AKR1C8: variants seen among roughly 807,000 people sequenced by gnomAD.
The protein encoded by AKR1C8 is aldo-keto reductase family 1 member C8, also known as aldo-keto reductase family 1 member C-like protein 1.
chr10:5,175,649 C>G, the AKR1C8 span, among the ~76,000 whole-genome samples: 1 of 152,164 alleles, frequency 6.6e-6, no homozygotes, highest in Non-Finnish European at 1.5e-5. Context: ...TGTTTCCTGA[C>G]TTTTTAATGA....
At chr10:5,118,013 G>T in the AKR1C8 span, among the ~76,000 whole-genome samples, 1 of 151,970 alleles carries the variant, frequency 6.6e-6, no homozygotes, top group Non-Finnish European at 1.5e-5. Context: ...CTTCTTACAC[G>T]CAAAATGTAG....
At chr10:5,157,982 A>C in the AKR1C8 span, among the ~76,000 whole-genome samples, 1 of 152,338 alleles carries the variant, frequency 6.6e-6, no homozygotes, top group African/African-American at 2.4e-5. Flanking sequence ...TGGAAACAAT[A>C]AGGCTGTCCA....
the AKR1C8 span, among the ~76,000 whole-genome samples, chr10:5,169,996 A>T: frequency 6.6e-6 from 1 of 151,878 alleles, no homozygotes; most frequent in Non-Finnish European, 1.5e-5. Context: ...CTCGAGTGTG[A>T]TGTATTTAGG....
chr10:5,180,939 C>T, the AKR1C8 span, among the ~76,000 whole-genome samples: 79 of 152,314 alleles, frequency 5.2e-4, no homozygotes, highest in Admixed American at 5.9e-4. Context: ...TTGCACTTCC[C>T]GAGTGAGGCA....
At chr10:5,160,818 A>T in the AKR1C8 span, 1 of 471,080 alleles carries the variant, frequency 2.1e-6, no homozygotes, top group Non-Finnish European at 4.4e-6. Context: ...ATACCTCCCA[A>T]GTGTCACAAA....
At chr10:5,117,662 A>G in the AKR1C8 span, among the ~76,000 whole-genome samples, 1 of 152,164 alleles carries the variant, frequency 6.6e-6, no homozygotes, top group African/African-American at 2.4e-5. Context: ...GAAGCATAGC[A>G]TTGGCATCTC....
chr10:5,170,453 T>C, the AKR1C8 span, among the ~76,000 whole-genome samples: 2 of 152,140 alleles, frequency 1.3e-5, no homozygotes, highest in African/African-American at 4.8e-5. Context: ...ATTTATTACA[T>C]AGGCCTTTTA....
the AKR1C8 span, among the ~76,000 whole-genome samples, chr10:5,118,651 A>G: frequency 6.6e-6 from 1 of 152,194 alleles, no homozygotes; most frequent in African/African-American, 2.4e-5. Context: ...AGAGAAGCTC[A>G]TAGAAAAACT....
chr10:5,155,686 G>A, the AKR1C8 span: 366,727 of 471,376 alleles, frequency 0.78, 143,237 homozygotes, highest in African/African-American at 0.83. Flanking sequence ...ATTGTAACTT[G>A]TCATATCGGA....
the AKR1C8 span, chr10:5,122,121 C>G: frequency 2.6e-6 from 1 of 384,410 alleles, no homozygotes; most frequent in African/African-American, 2.2e-5. Flanking sequence ...TCCGTTGAGG[C>G]TGTCAATGGC....
At chr10:5,150,337 G>C in the AKR1C8 span, among the ~76,000 whole-genome samples, 18 of 151,832 alleles carry the variant, frequency 1.2e-4, no homozygotes, top group African/African-American at 4.4e-4. Context: ...CATGATCAAA[G>C]ACACAATTGA....
At chr10:5,131,335 C>T in the AKR1C8 span, among the ~76,000 whole-genome samples, 3 of 151,938 alleles carry the variant, frequency 2.0e-5, no homozygotes, top group Non-Finnish European at 4.4e-5. Flanking sequence ...TAAATGGGAC[C>T]TAATTAAACT....
chr10:5,180,712 G>T, the AKR1C8 span, among the ~76,000 whole-genome samples: 2 of 152,228 alleles, frequency 1.3e-5, no homozygotes, highest in Non-Finnish European at 2.9e-5. Context: ...CCCCCAGCCT[G>T]GCTGTCGCCT....
chr10:5,124,449 T>C, the AKR1C8 span, among the ~76,000 whole-genome samples: 1 of 152,082 alleles, frequency 6.6e-6, no homozygotes, highest in Admixed American at 6.6e-5. Flanking sequence ...GAATAACTAT[T>C]TCTTTTCTTG....
the AKR1C8 span, among the ~76,000 whole-genome samples, chr10:5,174,156 C>T: frequency 6.6e-6 from 1 of 151,202 alleles, no homozygotes; most frequent in Non-Finnish European, 1.5e-5. Context: ...TAGCCCTGTT[C>T]TTAAAAAAAA....
chr10:5,176,079 T>C, the AKR1C8 span, among the ~76,000 whole-genome samples: 1 of 152,088 alleles, frequency 6.6e-6, no homozygotes, highest in African/African-American at 2.4e-5. Context: ...TGGTAATGCC[T>C]AGGTTTTCTT....
the AKR1C8 span, among the ~76,000 whole-genome samples, chr10:5,140,803 G>A: frequency 1.4e-5 from 2 of 142,110 alleles, no homozygotes; most frequent in Non-Finnish European, 2.9e-5. Context: ...TGCACATTGT[G>A]CACATGTACC....
the AKR1C8 span, chr10:5,155,041 T>G: frequency 1.4e-4 from 22 of 152,270 alleles, no homozygotes; most frequent in East Asian, 1.4e-3. Flanking sequence ...CATTCACAAT[T>G]CAGCATGGTG....
At chr10:5,137,941 A>C in the AKR1C8 span, among the ~76,000 whole-genome samples, 4 of 152,114 alleles carry the variant, frequency 2.6e-5, no homozygotes, top group African/African-American at 9.7e-5. Context: ...AGAACTACTA[A>C]TAAGGGTCTA....
Sources: allele counts gnomAD v4.1 joint callset (sites outside exome capture counted in the v4.1 genomes callset), GRCh38; gene constraint gnomAD v4.1.1; transcripts MANE v1.5; gene names NCBI Gene and HGNC (gene_info 2026-07-23, HGNC 2026-07-21).